The following LPP variants were observed in gnomAD, a reference collection of about 807,000 sequenced individuals.
The protein encoded by LPP is LIM domain containing preferred translocation partner in lipoma, also known as lipoma-preferred partner.
Under a neutral mutation model 60.4 loss-of-function variants are expected in LPP, and 38 were observed. The ratio of observed to expected loss-of-function variants is 0.63; its 90% CI spans 0.49 to 0.83. LPP has a LOEUF of 0.83. LPP is among the 40% of genes least tolerant of loss of function. The pLI is 0.00. For missense variants in LPP, 902 were observed against 783.6 expected (o/e 1.15, Z -1.80); for synonymous variants, 328 against 290.8 (o/e 1.13, Z -1.30).
chr3:188,848,202 TG>T (rs1281143625), intron 9 of LPP, among the ~76,000 whole-genome samples: 3 of 152,230 alleles, frequency 2.0e-5, no homozygotes, highest in Non-Finnish European at 4.4e-5. Flanking sequence ...GTACCCATTG[TG>T]GGGTGATACA....
chr3:188,644,150 G>T (rs757252207), intron 7 of LPP, among the ~76,000 whole-genome samples: 1 of 152,122 alleles, frequency 6.6e-6, no homozygotes, highest in East Asian at 1.9e-4. Flanking sequence ...GAGGAGAAGG[G>T]ATCTGAGCTA....
chr3:188,415,337 T>A (rs1397182796), intron 4 of LPP, among the ~76,000 whole-genome samples: 1 of 152,120 alleles, frequency 6.6e-6, no homozygotes, highest in Non-Finnish European at 1.5e-5. Flanking sequence ...CTGGTAGGCA[T>A]GTGCAAAATT....
chr3:188,168,210 G>A (rs908808928), intron 1 of LPP, among the ~76,000 whole-genome samples: 4 of 152,206 alleles, frequency 2.6e-5, no homozygotes, highest in Non-Finnish European at 5.9e-5. Context: ...TGAAAACAGT[G>A]ACTTCCAACC....
chr3:188,187,557 AT>A (rs1726966926), intron 1 of LPP, among the ~76,000 whole-genome samples: 1 of 151,864 alleles, frequency 6.6e-6, no homozygotes, highest in Admixed American at 6.6e-5. Context: ...CATATCTCTT[AT>A]GTATTCTGTC....
intron 4 of LPP, among the ~76,000 whole-genome samples, chr3:188,417,528 G>A (rs183478414): frequency 3.1e-4 from 47 of 152,148 alleles, no homozygotes; most frequent in Non-Finnish European, 5.1e-4. Flanking sequence ...AATGCATCTG[G>A]GCTCCTGGGA....
At chr3:188,582,753 T>A (rs1288278605) in intron 6 of LPP, among the ~76,000 whole-genome samples, 2 of 152,210 alleles carry the variant, frequency 1.3e-5, no homozygotes, top group African/African-American at 2.4e-5. Flanking sequence ...AGGAATTTTT[T>A]CCACTCCAAT....
Position 188,386,106 on chromosome 3 carries a change from T to C in LPP, c.-9-20006T>C, listed in dbSNP as rs142016415. Among the ~76,000 whole-genome samples the C allele has an allele frequency of 8.7e-3, 1,322 of 152,212 alleles. 15 individuals are homozygous for C. The highest frequency in any genetic ancestry group is 0.022 in the South Asian group (106 of 4,818). On this transcript the variant is annotated intron_variant, in intron 3 of 11. Coordinates refer to ENST00000617246, the MANE Select transcript of LPP (RefSeq NM_001375462.1). ...AACAAAAAAAAGTATGAGAAATGAT[T>C]GATGTGTATTTCAACATTGAGAAAA...
intron 6 of LPP, among the ~76,000 whole-genome samples, chr3:188,547,654 G>T (rs1326162841): frequency 6.6e-6 from 1 of 152,064 alleles, no homozygotes. Flanking sequence ...TGAAATTGTG[G>T]CCCAGAAATG....
intron 3 of LPP, among the ~76,000 whole-genome samples, chr3:188,385,198 A>G (rs1777958914): frequency 6.6e-6 from 1 of 151,974 alleles, no homozygotes; most frequent in Non-Finnish European, 1.5e-5. Context: ...ACCTTCCCAT[A>G]GTGCTTTAGC....
chr3:188,492,286 A>T (rs1042393263), intron 5 of LPP, among the ~76,000 whole-genome samples: 2 of 152,218 alleles, frequency 1.3e-5, no homozygotes, highest in African/African-American at 4.8e-5. Flanking sequence ...TGAAAGTTTT[A>T]TCCCAATTTG....
chr3:188,839,298 G>T (rs1759303536), intron 9 of LPP, among the ~76,000 whole-genome samples: 1 of 152,086 alleles, frequency 6.6e-6, no homozygotes. Flanking sequence ...CTAAATATCT[G>T]GAATCTTACT....
chr3:188,719,198 C>T (rs1715321957), intron 8 of LPP, among the ~76,000 whole-genome samples: 1 of 152,086 alleles, frequency 6.6e-6, no homozygotes, highest in African/African-American at 2.4e-5. Flanking sequence ...ATTTCCTCCA[C>T]CTGTAGGTTT....
chr3:188,218,732 A>G (rs1465682330), intron 1 of LPP, among the ~76,000 whole-genome samples: 1 of 152,210 alleles, frequency 6.6e-6, no homozygotes, highest in Non-Finnish European at 1.5e-5. Flanking sequence ...TTGGAGGCGT[A>G]TGGAAGGGGA....
chr3:188,819,659 G>A (rs1405683311), intron 9 of LPP, among the ~76,000 whole-genome samples: 2 of 152,096 alleles, frequency 1.3e-5, no homozygotes, highest in African/African-American at 2.4e-5. Flanking sequence ...GATGGTGTTC[G>A]GTGGGAATGA....
At chr3:188,749,007 A>T (rs1727201177) in intron 8 of LPP, among the ~76,000 whole-genome samples, 1 of 152,090 alleles carries the variant, frequency 6.6e-6, no homozygotes, top group South Asian at 2.1e-4. Flanking sequence ...GAACATTGAG[A>T]TGTACAAATC....
intron 2 of LPP, among the ~76,000 whole-genome samples, chr3:188,331,346 T>A (rs1760023338): frequency 6.6e-6 from 1 of 151,986 alleles, no homozygotes; most frequent in South Asian, 2.1e-4. Flanking sequence ...GGATATCACA[T>A]GTCTTCTCTG....
intron 9 of LPP, among the ~76,000 whole-genome samples, chr3:188,797,321 T>C (rs1321371024): frequency 1.3e-5 from 2 of 152,156 alleles, no homozygotes; most frequent in African/African-American, 4.8e-5. Context: ...ACTTCATAGG[T>C]TGAGGGAAGT....
chr3:188,411,582 T>A (rs1784892413), intron 4 of LPP, among the ~76,000 whole-genome samples: 3 of 152,226 alleles, frequency 2.0e-5, no homozygotes, highest in African/African-American at 4.8e-5. Flanking sequence ...GTGTAACTGA[T>A]GACAACAAGA....
At chr3:188,666,424 G>C (rs529798198) in intron 7 of LPP, among the ~76,000 whole-genome samples, 12 of 152,316 alleles carry the variant, frequency 7.9e-5, no homozygotes, top group South Asian at 4.1e-4. Context: ...CATGCCTCTA[G>C]ATTTAAAAGG....
Sources: gnomAD v4.1 joint callset for allele counts (sites outside exome capture counted in the v4.1 genomes callset) on GRCh38, gnomAD v4.1.1 for gene constraint, MANE v1.5 for transcripts, NCBI Gene and HGNC (gene_info 2026-07-23, HGNC 2026-07-21) for gene names.